The following THSD7B variants were observed in gnomAD, a reference collection of about 807,000 sequenced individuals.
THSD7B encodes thrombospondin type 1 domain containing 7B.
In THSD7B, 138 loss-of-function variants were observed where a neutral mutation model predicts 213.6. The ratio of observed to expected loss-of-function variants is 0.65; its 90% CI spans 0.56 to 0.74. The LOEUF is 0.74. Ranked by LOEUF, THSD7B falls within the 30% of genes least tolerant of loss-of-function variation. The pLI, the probability that THSD7B is intolerant of heterozygous loss-of-function variation, is 0.00. For missense variants in THSD7B, 1,931 were observed against 1,991.5 expected, an observed-to-expected ratio of 0.97 and a Z score of 0.58; for synonymous variants, 742 against 687.0, an observed-to-expected ratio of 1.08 and a Z score of -1.25.
At chr2:136,832,794 T>C (rs1444292221) in intron 1 of THSD7B, among the ~76,000 whole-genome samples, 1 of 152,202 alleles carries the variant, frequency 6.6e-6, no homozygotes, top group Non-Finnish European at 1.5e-5. Flanking sequence ...GTTAAGACAC[T>C]GAATCTCAAA....
At chr2:137,077,943 GT>G (rs1310867205) in intron 3 of THSD7B, among the ~76,000 whole-genome samples, 1 of 152,130 alleles carries the variant, frequency 6.6e-6, no homozygotes, top group Admixed American at 6.5e-5. Flanking sequence ...TTCTTCTAGG[GT>G]TTTTATGGTT....
chr2:137,272,429 T>C, intron 10 of THSD7B, 104 bp from the exon 11 acceptor site: 1 of 1,208,928 alleles, frequency 8.3e-7, no homozygotes, highest in Non-Finnish European at 1.1e-6. Flanking sequence ...ACTTTCCACA[T>C]GTGCTTACTT....
chr2:137,669,500 T>C (rs1228020361), intron 27 of THSD7B, among the ~76,000 whole-genome samples: 1 of 152,200 alleles, frequency 6.6e-6, no homozygotes, highest in Non-Finnish European at 1.5e-5. Flanking sequence ...TAGATCTACT[T>C]TTAATGAACA....
intron 10 of THSD7B, among the ~76,000 whole-genome samples, chr2:137,271,961 A>G (rs1682749227): frequency 6.6e-6 from 1 of 152,106 alleles, no homozygotes; most frequent in Non-Finnish European, 1.5e-5. Context: ...GAACTAAACA[A>G]TATTTTGTTC....
At chr2:137,256,348 A>G (rs779401568) in intron 10 of THSD7B, among the ~76,000 whole-genome samples, 14 of 152,232 alleles carry the variant, frequency 9.2e-5, no homozygotes, top group Non-Finnish European at 1.9e-4. Flanking sequence ...AACAGGAATG[A>G]GTACAGGACA....
At position 137,056,612 on chromosome 2, in the gene THSD7B, G is replaced by A; in HGVS notation, c.332G>A (p.Trp111Ter). 1 of 1,613,996 alleles carries A rather than the reference G, an allele frequency of 6.2e-7. No individual in the cohort carries two copies. Among genetic ancestry groups the A allele is most frequent in the Non-Finnish European group, 8.5e-7 (1 of 1,179,884 alleles). ...SDLFQWEVSD[W>*]HHCVLVPYAR... ...CTCTTTCAGTGGGAGGTTTCTGACTGGCACCACTGTGTGCTTGTTCCTTAC... is the reference window on the plus strand; with the variant it reads ...CTCTTTCAGTGGGAGGTTTCTGACTAGCACCACTGTGTGCTTGTTCCTTAC... Residue 111 changes from tryptophan to a stop codon, truncating the protein, a stop_gained, in exon 3 of 28, where the codon TGG (tryptophan) becomes TAG (stop). Coordinates refer to ENST00000409968, the MANE Select transcript of THSD7B (RefSeq NM_001316349.2). LOFTEE classifies it high-confidence loss of function.
At chr2:136,794,736 C>T (rs912787416) in intron 1 of THSD7B, among the ~76,000 whole-genome samples, 1 of 151,994 alleles carries the variant, frequency 6.6e-6, no homozygotes, top group Non-Finnish European at 1.5e-5. Flanking sequence ...ACATCTTCTA[C>T]ATCCTTAAGT....
chr2:137,240,730 G>T (rs530403688), intron 9 of THSD7B, among the ~76,000 whole-genome samples: 1 of 152,244 alleles, frequency 6.6e-6, no homozygotes, highest in African/African-American at 2.4e-5. Context: ...GCCCAGGCTA[G>T]TGTTTAACTT....
chr2:137,025,017 G>A (rs913493917), intron 2 of THSD7B, among the ~76,000 whole-genome samples: 17 of 152,022 alleles, frequency 1.1e-4, no homozygotes, highest in Admixed American at 2.0e-4. Context: ...TTTGCTTATC[G>A]TAAGTCATTG....
intron 5 of THSD7B, among the ~76,000 whole-genome samples, chr2:137,138,688 A>G (rs1281309422): frequency 3.9e-5 from 6 of 152,190 alleles, no homozygotes; most frequent in Non-Finnish European, 8.8e-5. Flanking sequence ...TCTCCTGAGC[A>G]ACCCACCACA....
intron 15 of THSD7B, among the ~76,000 whole-genome samples, chr2:137,537,951 C>A (rs888071313): frequency 6.6e-6 from 1 of 151,500 alleles, no homozygotes; most frequent in Non-Finnish European, 1.5e-5. Context: ...AGTTCAAAAT[C>A]GAAGTTGTAG....
chr2:136,839,181 T>A (rs1010429804), intron 1 of THSD7B, among the ~76,000 whole-genome samples: 5 of 152,210 alleles, frequency 3.3e-5, no homozygotes, highest in Admixed American at 2.0e-4. Context: ...AGATCAAGCA[T>A]GCCTCACACT....
chr2:137,461,018 T>A (rs1051559308), intron 15 of THSD7B, among the ~76,000 whole-genome samples: 2 of 152,186 alleles, frequency 1.3e-5, no homozygotes, highest in Non-Finnish European at 2.9e-5. Context: ...TTATTCATGA[T>A]GTTACATGTA....
intron 15 of THSD7B, among the ~76,000 whole-genome samples, chr2:137,500,680 A>G (rs1679681709): frequency 6.6e-6 from 1 of 152,204 alleles, no homozygotes; most frequent in African/African-American, 2.4e-5. Flanking sequence ...ATCAAATGAA[A>G]TGATATGTGT....
chr2:137,411,584 A>G, intron 13 of THSD7B, 25 bp from the exon 14 acceptor site: 2 of 1,582,594 alleles, frequency 1.3e-6, no homozygotes, highest in Non-Finnish European at 1.7e-6. Flanking sequence ...AGCATTTAAT[A>G]TCTTAATGTC....
intron 3 of THSD7B, among the ~76,000 whole-genome samples, chr2:137,074,403 G>T (rs1558909657): frequency 1.3e-5 from 2 of 152,036 alleles, no homozygotes; most frequent in African/African-American, 2.4e-5. Flanking sequence ...GACTAGGATT[G>T]CAACCCCTGC....
At chr2:137,403,099 GA>G (rs1166856469) in intron 12 of THSD7B, among the ~76,000 whole-genome samples, 3 of 152,062 alleles carry the variant, frequency 2.0e-5, no homozygotes, top group Non-Finnish European at 4.4e-5. Flanking sequence ...ATGTGTGATG[GA>G]TTTTGTCCCT....
rs531501952 is a variant in THSD7B at position 136,978,964 on chromosome 2, A to C, written c.140-77456A>C. Among the ~76,000 whole-genome samples, 5 of 149,658 alleles carry C rather than the reference A, an allele frequency of 3.3e-5. No homozygotes were observed. The South Asian group carries it at 1.1e-3, about 31-fold the overall frequency. Reference sequence around the variant, plus strand: ...TTCCATATTCATTGCTTTCTTCAGGAGCTCTTGCAAGCCAGGCCTGGTGGT... The same window carrying C: ...TTCCATATTCATTGCTTTCTTCAGGCGCTCTTGCAAGCCAGGCCTGGTGGT... On this transcript the variant is annotated intron_variant, in intron 2 of 27. Transcript: ENST00000409968.
chr2:136,833,386 AG>A (rs1167826919), intron 1 of THSD7B, among the ~76,000 whole-genome samples: 9 of 128,448 alleles, frequency 7.0e-5, no homozygotes, highest in East Asian at 2.1e-4. Context: ...AAAAAAAAAA[AG>A]AGAGAGAGAG....
Sources: allele counts gnomAD v4.1 joint callset (sites outside exome capture counted in the v4.1 genomes callset), GRCh38; gene constraint gnomAD v4.1.1; transcripts MANE v1.5; gene names NCBI Gene and HGNC (gene_info 2026-07-23, HGNC 2026-07-21).